TRHDE: variants seen among roughly 807,000 people sequenced by gnomAD.
The protein encoded by TRHDE is thyrotropin releasing hormone degrading enzyme, also known as thyrotropin-releasing hormone-degrading ectoenzyme.
A neutral mutation model predicts 125.7 loss-of-function variants in TRHDE; 72 were observed. The ratio of observed to expected loss-of-function variants is 0.57; its 90% CI spans 0.47 to 0.70. The LOEUF (loss-of-function observed/expected upper bound fraction) is 0.70. TRHDE is among the 30% of genes least tolerant of loss of function. TRHDE has a pLI of 0.00. For synonymous variants in TRHDE, 509 were observed against 509.1 expected (o/e 1.00, Z 0.00); for missense variants, 1,110 against 1,327.1 (o/e 0.84, Z 2.54).
intron 3 of TRHDE, among the ~76,000 whole-genome samples, chr12:72,444,984 C>T (rs559161914): frequency 6.6e-6 from 1 of 151,962 alleles, no homozygotes; most frequent in East Asian, 1.9e-4. Flanking sequence ...ATGATTCTCT[C>T]AGCCTGCTTA....
At chr12:72,659,993 C>T (rs573021658) in intron 18 of TRHDE, among the ~76,000 whole-genome samples, 2 of 151,626 alleles carry the variant, frequency 1.3e-5, no homozygotes, top group East Asian at 3.9e-4. Flanking sequence ...GGTGGTGGCC[C>T]CAAATGGCTG....
intron 1 of TRHDE, among the ~76,000 whole-genome samples, chr12:72,099,121 G>A (rs1242224770): frequency 6.6e-6 from 1 of 151,534 alleles, no homozygotes; most frequent in Non-Finnish European, 1.5e-5. Flanking sequence ...GCCAGATCAC[G>A]CCACTGCACT....
At chr12:72,619,109 A>AT in intron 13 of TRHDE, 71 bp downstream of exon 13, 1 of 1,136,200 alleles carries the variant, frequency 8.8e-7, no homozygotes, top group Non-Finnish European at 1.2e-6. Flanking sequence ...ACTATTATAT[A>AT]TGCAACTGAT....
intron 1 of TRHDE, among the ~76,000 whole-genome samples, chr12:72,284,747 G>A (rs751751716): frequency 6.6e-6 from 1 of 152,070 alleles, no homozygotes; most frequent in Non-Finnish European, 1.5e-5. Flanking sequence ...TAATCCTACC[G>A]GATGCACTTT....
intron 3 of TRHDE, among the ~76,000 whole-genome samples, chr12:72,450,361 G>A (rs766747216): frequency 2.6e-5 from 4 of 151,808 alleles, no homozygotes; most frequent in Non-Finnish European, 4.4e-5. Context: ...ATTAAGAATC[G>A]GTGGAAGTGA....
Position 72,272,958 on chromosome 12 carries a change from G to A in TRHDE, c.315G>A (p.Leu105=). ...ALLAVTMLAV[L]LSLRFDECGA... ...TCGCGGTCACAATGCTCGCTGTGCTGCTCAGCCTGCGCTTCGACGAGTGCG... is the reference window on the plus strand; with the variant it reads ...TCGCGGTCACAATGCTCGCTGTGCTACTCAGCCTGCGCTTCGACGAGTGCG... Residue 105 remains leucine, a synonymous_variant, in exon 1 of 19, where the codon CTG becomes CTA. Transcript: ENST00000261180. The surrounding 1 kb of genome is among the most constrained non-coding windows in gnomAD (Gnocchi z 6.7). 6.4e-7 allele frequency: 1 copy of A among 1,569,696 alleles called. No homozygotes were observed. The highest frequency in any genetic ancestry group is 1.3e-5 in the African/African-American group (1 of 74,484).
At chr12:72,484,655 A>G (rs985677059) in intron 5 of TRHDE, among the ~76,000 whole-genome samples, 4 of 152,202 alleles carry the variant, frequency 2.6e-5, no homozygotes, top group Admixed American at 2.6e-4. Context: ...AAGAGTTTCT[A>G]TGTTGCTATT....
intron 15 of TRHDE, among the ~76,000 whole-genome samples, chr12:72,640,883 A>G (rs1176091241): frequency 2.0e-5 from 3 of 152,240 alleles, no homozygotes; most frequent in African/African-American, 7.2e-5. Context: ...AATGGCACGT[A>G]TACTACCACT....
intron 2 of TRHDE, among the ~76,000 whole-genome samples, chr12:72,222,342 G>C (rs908336239): frequency 6.6e-6 from 1 of 152,074 alleles, no homozygotes; most frequent in African/African-American, 2.4e-5. Flanking sequence ...AATATAGCCT[G>C]CCACACTAAG....
chr12:72,426,924 A>G (rs1874213512), intron 3 of TRHDE, among the ~76,000 whole-genome samples: 1 of 152,004 alleles, frequency 6.6e-6, no homozygotes, highest in Non-Finnish European at 1.5e-5. Flanking sequence ...ATTCATCTTC[A>G]TCTTAATCAT....
intron 6 of TRHDE, among the ~76,000 whole-genome samples, chr12:72,534,868 A>G (rs983198226): frequency 1.3e-5 from 2 of 152,222 alleles, no homozygotes; most frequent in South Asian, 2.1e-4. Context: ...TGATTAAAAC[A>G]TAAGTGTGTA....
intron 2 of TRHDE, among the ~76,000 whole-genome samples, chr12:72,296,887 G>A (rs1345212012): frequency 6.6e-6 from 1 of 152,180 alleles, no homozygotes; most frequent in Non-Finnish European, 1.5e-5. Context: ...AAGCGTGCTA[G>A]TTAAGAGAAG....
chr12:72,655,187 T>G (rs747200215), intron 17 of TRHDE, among the ~76,000 whole-genome samples: 2 of 151,940 alleles, frequency 1.3e-5, no homozygotes, highest in Non-Finnish European at 2.9e-5. Context: ...ATCCTTCCAC[T>G]TCAGTCTCCT....
chr12:72,594,881 A>G (rs967035235), intron 12 of TRHDE, among the ~76,000 whole-genome samples: 9 of 151,948 alleles, frequency 5.9e-5, no homozygotes, highest in African/African-American at 2.2e-4. Flanking sequence ...CAACAATGAT[A>G]GACTGGATTA....
At chr12:72,263,085 C>G (rs1287236274) in intron 2 of TRHDE, 3 of 151,876 alleles carry the variant, frequency 2.0e-5, no homozygotes, top group Non-Finnish European at 2.9e-5. Flanking sequence ...TGTTTTGCTT[C>G]TTGTAACTTG....
intron 2 of TRHDE, among the ~76,000 whole-genome samples, chr12:72,135,541 G>A (rs1275703160): frequency 1.3e-5 from 2 of 149,656 alleles, no homozygotes; most frequent in Non-Finnish European, 3.0e-5. Context: ...TCTATAGTGT[G>A]TAAACATGTT....
intron 2 of TRHDE, among the ~76,000 whole-genome samples, chr12:72,179,426 T>TATC (rs1412074067): frequency 6.6e-6 from 1 of 152,130 alleles, no homozygotes; most frequent in Non-Finnish European, 1.5e-5. Context: ...TTATAGAATG[T>TATC]ATCTGTCGCC....
chr12:72,397,100 G>A (rs918441339), intron 3 of TRHDE, among the ~76,000 whole-genome samples: 4 of 152,186 alleles, frequency 2.6e-5, no homozygotes, highest in South Asian at 2.1e-4. Flanking sequence ...TCTTTCACCC[G>A]TCAAGCCTAC....
At chr12:72,517,452 C>G (rs1371304902) in intron 6 of TRHDE, among the ~76,000 whole-genome samples, 1 of 151,982 alleles carries the variant, frequency 6.6e-6, no homozygotes, top group East Asian at 1.9e-4. Context: ...GTAGTATTCT[C>G]TGATGGTAGT....
Sources: allele counts gnomAD v4.1 joint callset (sites outside exome capture counted in the v4.1 genomes callset), GRCh38; gene constraint gnomAD v4.1.1; non-coding constraint Gnocchi (gnomAD v3.1); transcripts MANE v1.5; gene names NCBI Gene and HGNC (gene_info 2026-07-23, HGNC 2026-07-21).